The following PPP1R12C variants were observed in gnomAD, a reference collection of about 807,000 sequenced individuals.
PPP1R12C encodes the protein protein phosphatase 1 regulatory subunit 12C, also known as leukocyte receptor cluster (LRC) encoded novel gene 3.
A neutral mutation model predicts 95.6 loss-of-function variants in PPP1R12C; 48 were observed. That is an observed-to-expected ratio of 0.50 (90% CI 0.40 to 0.64). The LOEUF (loss-of-function observed/expected upper bound fraction) is 0.64. PPP1R12C is among the 30% of genes least tolerant of loss of function. The probability of loss-of-function intolerance (pLI) is 0.00; values close to 1 mark genes in which losing one functional copy is unlikely to be tolerated. For missense variants in PPP1R12C, 1,057 were observed against 1,083.3 expected, an observed-to-expected ratio of 0.98 and a Z score of 0.34; for synonymous variants, 480 against 460.8, an observed-to-expected ratio of 1.04 and a Z score of -0.53.
chr19:55,117,219 T>C lies in PPP1R12C; in HGVS notation c.321+4A>G. ...CCGGGAGACGCCGGGCGGGGGGCGC[T>C]GACCTGGTGCAGGGCGCTGATACCG... On this transcript the variant is annotated splice_donor_region_variant and intron_variant, in intron 1 of 21. Coordinates refer to ENST00000263433, the MANE Select transcript of PPP1R12C (RefSeq NM_017607.4). 8 of 1,222,320 alleles carry C rather than the reference T, an allele frequency of 6.5e-6. No individual in the cohort carries two copies. The highest frequency in any genetic ancestry group is 8.1e-6 in the Non-Finnish European group (8 of 981,798). The allele number at this position is 1,222,320 out of a possible 1,614,324, so 75.7% of individuals were successfully genotyped here.
intron 4 of PPP1R12C, among the ~76,000 whole-genome samples, chr19:55,102,094 A>T (rs995152612): frequency 5.3e-5 from 8 of 152,300 alleles, no homozygotes; most frequent in Admixed American, 5.2e-4. Flanking sequence ...AAGAATGAGG[A>T]GCCTGAGGAT....
chr19:55,094,581 CA>C (rs2084887616), intron 12 of PPP1R12C, 79 bp downstream of exon 12: 2 of 1,528,490 alleles, frequency 1.3e-6, no homozygotes, highest in Non-Finnish European at 1.8e-6. Context: ...GGAGCCCACC[CA>C]AAGCCCCGGG....
At position 55,099,031 on chromosome 19, in the gene PPP1R12C, C is replaced by T. The variant is rs781630779; in HGVS notation, c.796G>A (p.Ala266Thr). ...RDGDGWTPLHAAAHWGVEDAC... is the reference protein window; with the variant it reads ...RDGDGWTPLHTAAHWGVEDAC... ...TCCTCCACGCCCCAGTGTGCCGCTG[C>T]GTGCAGGGGAGTCCAGCCGTCCCCG... Residue 266 changes from alanine (A) to threonine (T), a missense_variant, in exon 5 of 22, where the codon GCA (alanine) becomes ACA (threonine). By Grantham distance (58) the Ala-to-Thr change is moderately conservative. Coordinates refer to ENST00000263433, the MANE Select transcript of PPP1R12C (RefSeq NM_017607.4). 4 of 1,554,668 alleles carry T rather than the reference C, an allele frequency of 2.6e-6. No homozygotes were observed. The highest frequency in any genetic ancestry group is 2.4e-5 in the East Asian group (1 of 41,514).
chr19:55,099,697 G>C (rs571097503), intron 4 of PPP1R12C, among the ~76,000 whole-genome samples: 1 of 152,310 alleles, frequency 6.6e-6, no homozygotes, highest in Non-Finnish European at 1.5e-5. Context: ...GCCCCACAAG[G>C]AGAGGGACCT....
Position 55,117,450 on chromosome 19 carries a change from G to A in PPP1R12C, c.94C>T (p.Arg32Trp). 2 of 996,954 alleles carry A rather than the reference G, an allele frequency of 2.0e-6. No individual in the cohort carries two copies. Among genetic ancestry groups the A allele is most frequent in the Non-Finnish European group, 2.4e-6 (2 of 840,244 alleles). 61.8% of individuals were successfully genotyped at this position (996,954 alleles called of 1,614,324 possible). ...CCGGGGCCAGGCTCGGCGCCCGCCCGCGCCCCCCACTGCCGCAGCTGCTCC... is the reference window on the plus strand; with the variant it reads ...CCGGGGCCAGGCTCGGCGCCCGCCCACGCCCCCCACTGCCGCAGCTGCTCC... Reference protein sequence around the residue: ...RREQLRQWGARAGAEPGPGER... With the variant: ...RREQLRQWGAWAGAEPGPGER... The change falls in exon 1 of 22, where the codon CGG becomes TGG. Residue 32 changes from arginine (R) to tryptophan (W), a missense_variant. Around this residue, in one of 5 missense-constraint regions of PPP1R12C, gnomAD observed 70 missense variants for 47.8 expected, o/e 1.46. Transcript: ENST00000263433.
At chr19:55,113,357 G>A in intron 1 of PPP1R12C, 1 of 1,392,404 alleles carries the variant, frequency 7.2e-7, no homozygotes, top group South Asian at 1.5e-5. Context: ...CAGGGGCCTG[G>A]GCGGGACTCC....
chr19:55,101,607 G>C (rs995391772), intron 4 of PPP1R12C, among the ~76,000 whole-genome samples: 2 of 152,238 alleles, frequency 1.3e-5, no homozygotes, highest in African/African-American at 4.8e-5. Flanking sequence ...CTGGTATGCA[G>C]GTGCAGTGGC....
At chr19:55,098,754 T>C in intron 6 of PPP1R12C, 30 bp downstream of exon 6, 1 of 1,612,694 alleles carries the variant, frequency 6.2e-7, no homozygotes, top group East Asian at 2.2e-5. Flanking sequence ...ATGGGGAGTC[T>C]GGGGTAAGCC....
intron 19 of PPP1R12C, 131 bp downstream of exon 19, chr19:55,092,091 G>T: frequency 2.7e-6 from 3 of 1,095,634 alleles, no homozygotes; most frequent in Non-Finnish European, 2.6e-6. Flanking sequence ...CCGCCTCCGA[G>T]ATCTCGGCCC....
chr19:55,115,861 C>T (rs1006186283), intron 1 of PPP1R12C, among the ~76,000 whole-genome samples: 1 of 152,152 alleles, frequency 6.6e-6, no homozygotes, highest in Non-Finnish European at 1.5e-5. Flanking sequence ...AGCTCGGGGA[C>T]ACAGGATCCC....
rs1192350352 is a variant in PPP1R12C, at chr19:55,109,758, G to A, written c.571+2709C>T. On this transcript the variant is annotated intron_variant, in intron 3 of 21. Transcript: ENST00000263433. This position sits in a 1 kb window ranked among gnomAD's most constrained non-coding sequence, Gnocchi z 4.4. ...GCATCATGTGGGCGTGTCCTGCAGG[G>A]GGTGCAAAAGACCCGCCCTCCTTAG... Among the ~76,000 whole-genome samples the A allele has an allele frequency of 1.3e-5, 2 of 152,198 alleles. No homozygotes were observed. The highest frequency in any genetic ancestry group is 4.1e-4 in the South Asian group (2 of 4,830).
intron 4 of PPP1R12C, among the ~76,000 whole-genome samples, chr19:55,100,892 G>A (rs376842309): frequency 6.6e-5 from 10 of 152,228 alleles, no homozygotes; most frequent in East Asian, 1.9e-4. Flanking sequence ...GATTACAGGC[G>A]TGATCCACCA....
chr19:55,095,197 C>G, intron 11 of PPP1R12C, 94 bp downstream of exon 11: 8 of 1,372,212 alleles, frequency 5.8e-6, no homozygotes, highest in Non-Finnish European at 7.1e-6. Flanking sequence ...AACCAGACCC[C>G]AGGGGGTACA....
At chr19:55,107,802 C>T (rs1381315931) in intron 3 of PPP1R12C, among the ~76,000 whole-genome samples, 1 of 151,622 alleles carries the variant, frequency 6.6e-6, no homozygotes, top group East Asian at 1.9e-4. Flanking sequence ...TGTAACAAAC[C>T]TGCATGTTGT....
At chr19:55,117,167 G>A (rs930663386) in intron 1 of PPP1R12C, 56 bp downstream of exon 1, 2 of 1,193,342 alleles carry the variant, frequency 1.7e-6, no homozygotes, top group East Asian at 3.4e-5. Flanking sequence ...GATGCCCCAG[G>A]TGGCGCAGCA....
At chr19:55,096,906 T>C (rs2084921342) in intron 6 of PPP1R12C, 1 of 142,084 alleles carries the variant, frequency 7.0e-6, no homozygotes, top group Admixed American at 1.4e-4. Flanking sequence ...TCTTCGCCCC[T>C]TCCCCGCAGT....
intron 15 of PPP1R12C, 48 bp downstream of exon 15, chr19:55,092,968 G>A (rs369423288): frequency 6.4e-7 from 1 of 1,565,816 alleles, no homozygotes; most frequent in Non-Finnish European, 8.7e-7. Context: ...GACTATGGGA[G>A]AAACTGGATG....
rs200413686 is a variant in PPP1R12C at position 55,093,087 on chromosome 19, G to A, written c.1765-11C>T. On this transcript the variant is annotated splice_polypyrimidine_tract_variant and intron_variant, in intron 14 of 21. Coordinates refer to ENST00000263433, the MANE Select transcript of PPP1R12C (RefSeq NM_017607.4). ...CCTTCGGGAAGGGTCCTGTCGGGAG[G>A]GGGAGGCGAGTCAGGGAAGCAGGAC... 90 of 1,608,108 alleles carry A rather than the reference G, an allele frequency of 5.6e-5. No individual in the cohort carries two copies. The highest frequency in any genetic ancestry group is 1.8e-4 in the African/African-American group (13 of 71,882).
rs762793190 is a variant in PPP1R12C, at chr19:55,093,253, G to C, written c.1684-20C>G. The C allele has an allele frequency of 5.6e-6, 9 of 1,607,482 alleles. No individual in the cohort carries two copies. The Admixed American group carries it at 1.5e-4, about 27-fold the overall frequency. Reference sequence around the variant, plus strand: ...CACACCCTGGCAGGGAAAGGGGACAGTCAGGGGACGCTGGGGTCAGGGCCC... The same window carrying C: ...CACACCCTGGCAGGGAAAGGGGACACTCAGGGGACGCTGGGGTCAGGGCCC... On this transcript the variant is annotated intron_variant, in intron 13 of 21. Transcript: ENST00000263433.
Sources: allele counts gnomAD v4.1 joint callset (sites outside exome capture counted in the v4.1 genomes callset), GRCh38; gene constraint gnomAD v4.1.1; regional missense constraint gnomAD v4.1.1; non-coding constraint Gnocchi (gnomAD v3.1); transcripts MANE v1.5; gene names NCBI Gene and HGNC (gene_info 2026-07-23, HGNC 2026-07-21).